Variants in CSMD3 observed in about 807,000 individuals in gnomAD.
CSMD3 encodes the protein CUB and Sushi multiple domains 3.
Under a neutral mutation model 435.2 loss-of-function variants are expected in CSMD3, and 177 were observed. The ratio of observed to expected loss-of-function variants is 0.41; its 90% CI spans 0.36 to 0.46. The LOEUF (loss-of-function observed/expected upper bound fraction) is 0.46, where lower values mean the gene tolerates loss of function less well. Among genes scored for constraint, CSMD3 ranks in the 20% least tolerant of loss-of-function variants. The probability of loss-of-function intolerance (pLI) is 0.34; values close to 1 mark genes in which losing one functional copy is unlikely to be tolerated. For synonymous variants in CSMD3, 1,656 were observed against 1,520.5 expected (o/e 1.09, Z -2.07); for missense variants, 4,265 against 4,504.6 (o/e 0.95, Z 1.52).
intron 45 of CSMD3, among the ~76,000 whole-genome samples, chr8:112,332,358 A>C (rs1367956615): frequency 6.6e-6 from 1 of 152,208 alleles, no homozygotes; most frequent in Non-Finnish European, 1.5e-5. Flanking sequence ...AGATGAGTTA[A>C]GAAACCAAGA....
At chr8:113,134,316 T>G (rs920068278) in intron 4 of CSMD3, among the ~76,000 whole-genome samples, 1 of 152,088 alleles carries the variant, frequency 6.6e-6, no homozygotes, top group East Asian at 1.9e-4. Context: ...TTGAGGCTTT[T>G]ATTTTGATTT....
chr8:112,566,479 C>T (rs1829073444), intron 24 of CSMD3, among the ~76,000 whole-genome samples: 1 of 152,010 alleles, frequency 6.6e-6, no homozygotes, highest in African/African-American at 2.4e-5. Flanking sequence ...TCCACCTTGC[C>T]CCTAATGATA....
intron 28 of CSMD3, 58 bp from the exon 29 acceptor site, chr8:112,506,887 T>A (rs2130933155): frequency 4.7e-6 from 7 of 1,482,802 alleles, no homozygotes; most frequent in Non-Finnish European, 6.5e-6. Context: ...TTATTAGCTA[T>A]CAATATTTTT....
intron 3 of CSMD3, among the ~76,000 whole-genome samples, chr8:113,269,254 G>C (rs186010048): frequency 7.2e-5 from 11 of 152,160 alleles, no homozygotes; most frequent in African/African-American, 2.6e-4. Flanking sequence ...ACTTACAAGG[G>C]ACGAGAAGGA....
chr8:112,307,074 T>C (rs1405328267), intron 50 of CSMD3, among the ~76,000 whole-genome samples: 3 of 151,764 alleles, frequency 2.0e-5, no homozygotes, highest in Non-Finnish European at 4.4e-5. Flanking sequence ...ATGTACATAA[T>C]CTTTCAAAGT....
intron 5 of CSMD3, among the ~76,000 whole-genome samples, chr8:113,031,282 G>T (rs1229664140): frequency 2.0e-5 from 3 of 151,576 alleles, no homozygotes; most frequent in African/African-American, 7.3e-5. Flanking sequence ...ACAAACTGTA[G>T]CATATCCATA....
chr8:112,268,294 T>C (rs1325371103), intron 59 of CSMD3, among the ~76,000 whole-genome samples: 1 of 152,162 alleles, frequency 6.6e-6, no homozygotes, highest in Non-Finnish European at 1.5e-5. Flanking sequence ...ATTTGAAAGG[T>C]CTGAATTTGT....
rs2130831205 is a variant in CSMD3 at position 112,313,969 on chromosome 8, C to A, written c.7633G>T (p.Val2545Leu). Residue 2545 changes from valine (V) to leucine (L), a missense_variant, in exon 49 of 71, where the codon GTA becomes TTA. Around this residue, in one of 3 missense-constraint regions of CSMD3, gnomAD observed 3,255 missense variants for 3,380.2 expected, o/e 0.96. Coordinates refer to ENST00000297405, the MANE Select transcript of CSMD3 (RefSeq NM_198123.2). Reference protein sequence around the residue: ...AFNITSNGHEVFLQWSADHGN... With the variant: ...AFNITSNGHELFLQWSADHGN... ...TGATCTGCTGACCACTGAAGAAATA[C>A]TTCATGACCATTGCTTGTTATATTA... The A allele has an allele frequency of 6.2e-7, 1 of 1,611,854 alleles. No individual in the cohort carries two copies. The highest frequency in any genetic ancestry group is 8.5e-7 in the Non-Finnish European group (1 of 1,178,256).
At chr8:112,902,013 C>A (rs2082119096) in intron 10 of CSMD3, among the ~76,000 whole-genome samples, 1 of 151,122 alleles carries the variant, frequency 6.6e-6, no homozygotes, top group Non-Finnish European at 1.5e-5. Context: ...TTGTGAATGC[C>A]CATATAATGT....
chr8:112,835,948 G>A (rs879466271), intron 11 of CSMD3, among the ~76,000 whole-genome samples: 23 of 151,856 alleles, frequency 1.5e-4, no homozygotes, highest in Admixed American at 6.6e-4. Context: ...CTGTGACCCA[G>A]TAACCACTCT....
intron 63 of CSMD3, among the ~76,000 whole-genome samples, chr8:112,251,395 G>A (rs1015587439): frequency 2.0e-5 from 3 of 151,654 alleles, no homozygotes; most frequent in Non-Finnish European, 4.4e-5. Context: ...TCAGATGCAA[G>A]TAATTTATGC....
intron 32 of CSMD3, among the ~76,000 whole-genome samples, chr8:112,458,630 C>T (rs956321854): frequency 6.6e-6 from 1 of 152,050 alleles, no homozygotes; most frequent in African/African-American, 2.4e-5. Context: ...GCCAAGACTG[C>T]CAAGCTTGCC....
At position 112,800,097 on chromosome 8, in the gene CSMD3, G is replaced by A. The variant is rs933297745; in HGVS notation, c.1972+65C>T. The A allele has an allele frequency of 3.1e-5, 34 of 1,093,750 alleles. No individual in the cohort carries two copies. The Admixed American group carries it at 3.9e-4, about 13-fold the overall frequency. 67.8% of individuals were successfully genotyped at this position (1,093,750 alleles called of 1,614,324 possible). A position where few individuals can be genotyped will look rare whatever the true frequency, so the allele number is the denominator to read the frequency against. ...TTTAATTTTGTAGATGCAATTAAAC[G>A]TGAATTTAAAAATATTCTCTGGTGG... On this transcript the variant is annotated intron_variant, in intron 13 of 70. Coordinates refer to ENST00000297405, the MANE Select transcript of CSMD3 (RefSeq NM_198123.2).
At chr8:112,528,288 A>T (rs1265435917) in intron 27 of CSMD3, among the ~76,000 whole-genome samples, 1 of 152,138 alleles carries the variant, frequency 6.6e-6, no homozygotes, top group East Asian at 1.9e-4. Context: ...GATTGTAGGC[A>T]ATTTATTCAT....
At chr8:113,305,066 C>A (rs961291562) in intron 2 of CSMD3, among the ~76,000 whole-genome samples, 148 of 150,318 alleles carry the variant, frequency 9.8e-4, no homozygotes, top group Non-Finnish European at 1.8e-3. Context: ...AAACCAGACA[C>A]CGCATATTCT....
At chr8:112,974,838 A>G (rs1269237226) in intron 7 of CSMD3, among the ~76,000 whole-genome samples, 1 of 151,852 alleles carries the variant, frequency 6.6e-6, no homozygotes, top group Non-Finnish European at 1.5e-5. Flanking sequence ...ATTGAGCACA[A>G]TACTTATACA....
intron 1 of CSMD3, among the ~76,000 whole-genome samples, chr8:113,357,269 GTGT>G (rs765772148): frequency 2.6e-5 from 4 of 152,148 alleles, no homozygotes; most frequent in Non-Finnish European, 5.9e-5. Flanking sequence ...TGAGCTGGTT[GTGT>G]TATTTCACTC....
At chr8:112,560,800 C>A (rs1828554090) in intron 24 of CSMD3, among the ~76,000 whole-genome samples, 1 of 151,668 alleles carries the variant, frequency 6.6e-6, no homozygotes, top group African/African-American at 2.4e-5. Context: ...ATTTAAACGT[C>A]TTTGCTCAAA....
chr8:112,565,507 T>G (rs1392881924), intron 24 of CSMD3, among the ~76,000 whole-genome samples: 1 of 152,088 alleles, frequency 6.6e-6, no homozygotes, highest in Non-Finnish European at 1.5e-5. Context: ...ATATAAAATT[T>G]GAAATGGCCA....
Sources: gnomAD v4.1 joint callset for allele counts (sites outside exome capture counted in the v4.1 genomes callset) on GRCh38, gnomAD v4.1.1 for gene constraint, gnomAD v4.1.1 regional missense constraint, MANE v1.5 for transcripts, NCBI Gene and HGNC (gene_info 2026-07-23, HGNC 2026-07-21) for gene names.